The following NCR1 variants were observed in gnomAD, a reference collection of about 807,000 sequenced individuals.
NCR1 encodes the protein natural cytotoxicity triggering receptor 1.
NCR1 carries 30 observed loss-of-function variants against 32.5 expected under a neutral mutation model. That is an observed-to-expected ratio of 0.92 (90% confidence interval 0.69 to 1.25). The LOEUF (loss-of-function observed/expected upper bound fraction) is 1.25. NCR1 is among the 50% of genes most tolerant of loss of function. The pLI, the probability that NCR1 is intolerant of heterozygous loss-of-function variation, is 0.00. For synonymous variants in NCR1, 169 were observed against 143.4 expected (o/e 1.18, Z -1.28); for missense variants, 369 against 380.7 (o/e 0.97, Z 0.26).
rs750808750 is a variant in NCR1, at chr19:54,909,509, AGCTCCTGGTCACAGGTGAGGAAAT to A, written c.625_634+14del. 4 of 1,605,266 alleles carry A rather than the reference AGCTCCTGGTCACAGGTGAGGAAAT, an allele frequency of 2.5e-6. No individual in the cohort carries two copies. The South Asian group carries it at 4.4e-5, about 18-fold the overall frequency. ...TGGTCTTTCCCCAGTGAGCCAGTGA[AGCTCCTGGTCACAGGTGAGGAAAT>A]GCTCAATTCCCCACACCCTTCGCCG... is the stretch of plus-strand genomic sequence containing the variant. On this transcript the variant is annotated splice_donor_variant and splice_donor_5th_base_variant and coding_sequence_variant and intron_variant, in exon 4 of 7. Coordinates refer to ENST00000291890, the MANE Select transcript of NCR1 (RefSeq NM_004829.7). LOFTEE classifies it high-confidence loss of function.
the NCR1 span, among the ~76,000 whole-genome samples, chr19:54,929,676 C>G: frequency 1.3e-5 from 2 of 152,164 alleles, no homozygotes; most frequent in Non-Finnish European, 2.9e-5. Flanking sequence ...TGCTGAAGTC[C>G]AGGTCACTGG....
chr19:54,914,655 TATCCAC>T (rs2068096181), downstream of NCR1, among the ~76,000 whole-genome samples: 1 of 151,996 alleles, frequency 6.6e-6, no homozygotes, highest in Non-Finnish European at 1.5e-5. Flanking sequence ...TTTGCTTCTT[TATCCAC>T]ACCTTGCCTT....
chr19:54,908,819 G>A (rs140210312), intron 3 of NCR1, among the ~76,000 whole-genome samples: 3,725 of 151,850 alleles, frequency 0.025, 65 homozygotes, highest in South Asian at 0.065. Flanking sequence ...TAGTAGAGAC[G>A]GGGTTTCACC....
chr19:54,924,532 G>A, the NCR1 span, among the ~76,000 whole-genome samples: 1 of 152,286 alleles, frequency 6.6e-6, no homozygotes, highest in Non-Finnish European at 1.5e-5. Flanking sequence ...GCGGAGGCAA[G>A]AGGATCACTT....
chr19:54,935,948 T>C, the NCR1 span, among the ~76,000 whole-genome samples: 1 of 152,044 alleles, frequency 6.6e-6, no homozygotes, highest in Admixed American at 6.6e-5. Context: ...CGGCCCGCGG[T>C]GCAGAAAAGG....
At chr19:54,935,387 T>A in the NCR1 span, among the ~76,000 whole-genome samples, 2 of 152,086 alleles carry the variant, frequency 1.3e-5, no homozygotes, top group Admixed American at 1.3e-4. Flanking sequence ...AATTGATGCT[T>A]AATACTCAAA....
chr19:54,901,949 C>T (rs140786877), upstream of NCR1, among the ~76,000 whole-genome samples: 8,549 of 152,292 alleles, frequency 0.056, 304 homozygotes, highest in Middle Eastern at 0.12. Flanking sequence ...GCCTGGGCTA[C>T]AGAGCAAGAT....
chr19:54,933,661 G>C, the NCR1 span: 3 of 1,614,172 alleles, frequency 1.9e-6, no homozygotes, highest in Non-Finnish European at 2.5e-6. Flanking sequence ...CCAAGCACAG[G>C]TGTGTCAGCT....
the NCR1 span, among the ~76,000 whole-genome samples, chr19:54,900,858 A>G: frequency 3.3e-5 from 5 of 152,158 alleles, no homozygotes; most frequent in African/African-American, 4.8e-5. Context: ...TGATGACAAC[A>G]TTCTAAAATT....
intron 4 of NCR1, 55 bp from the exon 5 acceptor site, chr19:54,909,963 C>T (rs902661129): frequency 4.0e-5 from 47 of 1,174,880 alleles, no homozygotes; most frequent in Non-Finnish European, 5.4e-5. Context: ...AAAAGAATGG[C>T]AAGACCGGAG....
At chr19:54,931,207 A>C in the NCR1 span, among the ~76,000 whole-genome samples, 12 of 152,102 alleles carry the variant, frequency 7.9e-5, no homozygotes, top group Non-Finnish European at 1.8e-4. Context: ...AGATCATTTG[A>C]GGTCAGGAGT....
chr19:54,909,898 G>T, intron 4 of NCR1, 120 bp from the exon 5 acceptor site: 1 of 780,610 alleles, frequency 1.3e-6, no homozygotes, highest in East Asian at 2.9e-5. Context: ...TCATACCACC[G>T]CACTGCAACC....
chr19:54,922,606 C>T, the NCR1 span, among the ~76,000 whole-genome samples: 2 of 151,786 alleles, frequency 1.3e-5, no homozygotes, highest in African/African-American at 2.4e-5. Context: ...TGTGAAACCC[C>T]GTCTCTAGTA....
At position 54,909,286 on chromosome 19, in the gene NCR1, G is replaced by A. The variant is rs73619955; in HGVS notation, c.397G>A (p.Glu133Lys). The A allele has an allele frequency of 1.5e-4, 242 of 1,614,082 alleles. No homozygotes were observed. In the African/African-American group the frequency reaches 2.6e-3, roughly 18 times the overall value. ...CACCCTCTCGGTTCATCCTGGACCCGAAGTGATCTCGGGAGAGAAGGTGAC... is the reference window on the plus strand; with the variant it reads ...CACCCTCTCGGTTCATCCTGGACCCAAAGTGATCTCGGGAGAGAAGGTGAC... Reference protein sequence around the residue: ...TPTLSVHPGPEVISGEKVTFY... With the variant: ...TPTLSVHPGPKVISGEKVTFY... The change falls in exon 4 of 7, where the codon GAA (glutamate) becomes AAA (lysine). Residue 133 changes from glutamate (E) to lysine (K), a missense_variant. By Grantham distance (56) the Glu-to-Lys change is moderately conservative (BLOSUM62 1). Coordinates refer to ENST00000291890, the MANE Select transcript of NCR1 (RefSeq NM_004829.7).
At chr19:54,901,900 G>A (rs1294717429), upstream of NCR1, among the ~76,000 whole-genome samples, 10 of 152,114 alleles carry the variant, frequency 6.6e-5, no homozygotes, top group South Asian at 2.1e-4. Context: ...CCCAGGAGGC[G>A]GAGGTTGCAG....
chr19:54,914,445 T>A (rs1034908888), downstream of NCR1, among the ~76,000 whole-genome samples: 1 of 152,188 alleles, frequency 6.6e-6, no homozygotes, highest in East Asian at 1.9e-4. Flanking sequence ...TTCAAATGAT[T>A]CTCCTGCCTC....
the NCR1 span, among the ~76,000 whole-genome samples, chr19:54,934,956 C>T: frequency 2.0e-3 from 297 of 152,248 alleles, 1 homozygote; most frequent in Non-Finnish European, 2.9e-3. This position sits in a 1 kb window ranked among gnomAD's most constrained non-coding sequence, Gnocchi z 6.7. Flanking sequence ...CTTGGCCTAC[C>T]GAAGTACTGG....
At chr19:54,921,772 CAAAAAA>C in the NCR1 span, among the ~76,000 whole-genome samples, 6 of 93,934 alleles carry the variant, frequency 6.4e-5, no homozygotes, top group Non-Finnish European at 8.5e-5. Flanking sequence ...GACTCCATCT[CAAAAAA>C]AAAAAAAAAA....
chr19:54,914,178 T>C (rs1416617007), downstream of NCR1, among the ~76,000 whole-genome samples: 18 of 142,530 alleles, frequency 1.3e-4, no homozygotes, highest in East Asian at 1.2e-3. Flanking sequence ...TTTTTTTTTT[T>C]CTTTTTTTTT....
Sources: gnomAD v4.1 joint callset for allele counts (sites outside exome capture counted in the v4.1 genomes callset) on GRCh38, gnomAD v4.1.1 for gene constraint, Gnocchi (gnomAD v3.1) non-coding constraint, MANE v1.5 for transcripts, NCBI Gene and HGNC (gene_info 2026-07-23, HGNC 2026-07-21) for gene names.